Variants in RAB11FIP4 observed in about 807,000 individuals in gnomAD.
The protein encoded by RAB11FIP4 is RAB11 family interacting protein 4.
RAB11FIP4 carries 23 observed loss-of-function variants against 74.3 expected under a neutral mutation model. The ratio of observed to expected loss-of-function variants is 0.31; its 90% confidence interval spans 0.22 to 0.44. RAB11FIP4 has a LOEUF of 0.44. Among genes scored for constraint, RAB11FIP4 ranks in the 20% least tolerant of loss-of-function variants. The pLI is 1.00. For synonymous variants in RAB11FIP4, 360 were observed against 359.9 expected, an observed-to-expected ratio of 1.00 and a Z score of 0.00; for missense variants, 630 against 863.9, an observed-to-expected ratio of 0.73 and a Z score of 3.39.
In RAB11FIP4 at chr17:31,497,595, T is replaced by C. The variant is rs561384597; in HGVS notation, c.337-20056T>C. Among the ~76,000 whole-genome samples, 9 of 151,566 alleles carry C rather than the reference T, an allele frequency of 5.9e-5. No homozygotes were observed. The South Asian group carries it at 1.3e-3, about 21-fold the overall frequency. On this transcript the variant is annotated intron_variant, in intron 3 of 14. Coordinates refer to ENST00000621161, the MANE Select transcript of RAB11FIP4 (RefSeq NM_032932.6). ...AGAGAGAGGAGGAAGAGTGGTGGGG[T>C]GGGCACCCAGTCGGCACCTACAGGG...
chr17:31,502,235 A>G (rs2072236020), intron 3 of RAB11FIP4, among the ~76,000 whole-genome samples: 1 of 151,772 alleles, frequency 6.6e-6, no homozygotes, highest in South Asian at 2.1e-4. Context: ...AAAAAAAAAA[A>G]AATTGTAAGT....
At chr17:31,426,313 T>C (rs1321144792) in intron 1 of RAB11FIP4, among the ~76,000 whole-genome samples, 1 of 152,178 alleles carries the variant, frequency 6.6e-6, no homozygotes, top group Non-Finnish European at 1.5e-5. Flanking sequence ...GCGTTACCAC[T>C]GCAGTGACTT....
intron 1 of RAB11FIP4, among the ~76,000 whole-genome samples, chr17:31,404,818 T>G (rs2071027929): frequency 6.6e-6 from 1 of 152,170 alleles, no homozygotes; most frequent in South Asian, 2.1e-4. Flanking sequence ...AGAGTCACTC[T>G]GCCTGGGAGA....
chr17:31,395,788 G>A (rs1331221160), intron 1 of RAB11FIP4, among the ~76,000 whole-genome samples: 1 of 152,200 alleles, frequency 6.6e-6, no homozygotes. Context: ...AACTAAGGAA[G>A]TCAGGATCAA....
At chr17:31,462,234 C>T (rs1056766395) in intron 3 of RAB11FIP4, among the ~76,000 whole-genome samples, 1 of 151,896 alleles carries the variant, frequency 6.6e-6, no homozygotes, top group East Asian at 1.9e-4. Flanking sequence ...CCACCACACT[C>T]CAGTGTGGGC....
At chr17:31,457,059 T>C (rs985208371) in intron 3 of RAB11FIP4, among the ~76,000 whole-genome samples, 17 of 152,284 alleles carry the variant, frequency 1.1e-4, no homozygotes, top group African/African-American at 4.1e-4. Context: ...CAGGCCAACC[T>C]GTCCTCCGGA....
intron 3 of RAB11FIP4, among the ~76,000 whole-genome samples, chr17:31,459,862 G>C (rs1243036233): frequency 6.6e-6 from 1 of 152,110 alleles, no homozygotes; most frequent in Admixed American, 6.5e-5. Flanking sequence ...CTGGACACAG[G>C]GGTGGCTGGG....
intron 3 of RAB11FIP4, among the ~76,000 whole-genome samples, chr17:31,494,998 T>G (rs900049183): frequency 3.3e-5 from 5 of 152,202 alleles, no homozygotes; most frequent in African/African-American, 1.2e-4. Context: ...AAGGGGAGGA[T>G]GGCCCTCCAC....
chr17:31,515,765 C>T (rs1414356011), intron 3 of RAB11FIP4, among the ~76,000 whole-genome samples: 1 of 152,216 alleles, frequency 6.6e-6, no homozygotes, highest in Non-Finnish European at 1.5e-5. Flanking sequence ...AGCGGTGCCA[C>T]CTGAGAAGTA....
chr17:31,406,841 A>G (rs2071046585), intron 1 of RAB11FIP4, among the ~76,000 whole-genome samples: 1 of 152,038 alleles, frequency 6.6e-6, no homozygotes, highest in Admixed American at 6.6e-5. Context: ...TTATTGCTCA[A>G]AAGTTTTCCT....
chr17:31,434,757 T>C (rs2151628842), intron 3 of RAB11FIP4, among the ~76,000 whole-genome samples: 1 of 152,348 alleles, frequency 6.6e-6, no homozygotes, highest in South Asian at 2.1e-4. Flanking sequence ...CAACTCAGGA[T>C]TAGCCACACG....
intron 3 of RAB11FIP4, among the ~76,000 whole-genome samples, chr17:31,440,119 T>C (rs543078026): frequency 6.6e-6 from 1 of 152,336 alleles, no homozygotes; most frequent in Non-Finnish European, 1.5e-5. Flanking sequence ...AAACATATTC[T>C]CCTATATATA....
chr17:31,439,971 G>A (rs180799394), intron 3 of RAB11FIP4, among the ~76,000 whole-genome samples: 1 of 152,138 alleles, frequency 6.6e-6, no homozygotes, highest in East Asian at 1.9e-4. Context: ...CAATCTTTAT[G>A]GATTTTGCTT....
chr17:31,423,423 A>G (rs1402369916), intron 1 of RAB11FIP4, among the ~76,000 whole-genome samples: 1 of 152,186 alleles, frequency 6.6e-6, no homozygotes, highest in Non-Finnish European at 1.5e-5. Flanking sequence ...GCTGGAGTGC[A>G]TTGGCATGAT....
rs75155456 is a variant in RAB11FIP4 at position 31,485,809 on chromosome 17, T to C, written c.337-31842T>C. On this transcript the variant is annotated intron_variant, in intron 3 of 14. Transcript: ENST00000621161. ...CATTCCCATCTTACAGATGAAGACA[T>C]TGAGTCTTAGAGAAGTAACAGAACT... 4.5e-3 allele frequency among the ~76,000 whole-genome samples: 682 copies of C among 152,292 alleles called. 7 individuals carry two copies. Among genetic ancestry groups the C allele is most frequent in the Middle Eastern group, 0.01 (3 of 294 alleles).
At chr17:31,452,161 CTA>C (rs113867984) in intron 3 of RAB11FIP4, among the ~76,000 whole-genome samples, 3,131 of 152,198 alleles carry the variant, frequency 0.021, 106 homozygotes, top group African/African-American at 0.071. Context: ...TCTTGATCAT[CTA>C]TGTGTGTCCT....
intron 3 of RAB11FIP4, among the ~76,000 whole-genome samples, chr17:31,447,618 G>C (rs2071479706): frequency 6.6e-6 from 1 of 152,076 alleles, no homozygotes; most frequent in Admixed American, 6.6e-5. Context: ...CGCCTCCCGG[G>C]TTCAAGCGAT....
intron 3 of RAB11FIP4, among the ~76,000 whole-genome samples, chr17:31,498,231 A>G (rs958858200): frequency 6.6e-6 from 1 of 152,174 alleles, no homozygotes; most frequent in Admixed American, 6.5e-5. Flanking sequence ...CCACTGCGAG[A>G]AAGCCTGCCC....
At chr17:31,450,817 T>G (rs1254971310) in intron 3 of RAB11FIP4, among the ~76,000 whole-genome samples, 1,720 of 152,096 alleles carry the variant, frequency 0.011, 34 homozygotes, top group African/African-American at 0.035. Context: ...CCCTCTGCAT[T>G]TCCACCATGT....
Sources: allele counts gnomAD v4.1 joint callset (sites outside exome capture counted in the v4.1 genomes callset), GRCh38; gene constraint gnomAD v4.1.1; transcripts MANE v1.5; gene names NCBI Gene and HGNC (gene_info 2026-07-23, HGNC 2026-07-21).